The following RXRA variants were observed in gnomAD, a reference collection of about 807,000 sequenced individuals.
RXRA encodes retinoid X receptor alpha.
Under a neutral mutation model 44.5 loss-of-function variants are expected in RXRA, and 5 were observed. The observed-to-expected ratio is 0.11, with a 90% confidence interval of 0.06 to 0.24. The LOEUF is 0.24. RXRA is among the 10% of genes least tolerant of loss of function. RXRA has a pLI of 1.00. For synonymous variants in RXRA, 291 were observed against 271.4 expected (o/e 1.07, Z -0.71); for missense variants, 412 against 646.5 (o/e 0.64, Z 3.93).
intron 4 of RXRA, among the ~76,000 whole-genome samples, chr9:134,410,775 T>C (rs943450167): frequency 6.6e-6 from 1 of 152,184 alleles, no homozygotes; most frequent in East Asian, 1.9e-4. Context: ...CACAGAGAGC[T>C]TGGTTTAGCC....
chr9:134,355,328 G>A (rs776474057), intron 1 of RXRA, among the ~76,000 whole-genome samples: 1 of 152,200 alleles, frequency 6.6e-6, no homozygotes, highest in Non-Finnish European at 1.5e-5. Context: ...TAACTGAACA[G>A]CAAACAGTAA....
intron 6 of RXRA, chr9:134,427,079 CCA>C (rs1364552121): frequency 1.0e-6 from 1 of 980,608 alleles, no homozygotes; most frequent in Non-Finnish European, 1.2e-6. Flanking sequence ...CCTCCCTGGG[CCA>C]CAGATTACCC....
At chr9:134,358,852 G>A (rs562086503) in intron 1 of RXRA, among the ~76,000 whole-genome samples, 81 of 152,344 alleles carry the variant, frequency 5.3e-4, no homozygotes, top group African/African-American at 1.8e-3. Context: ...GGTGGTGAGG[G>A]CTGTGGGCAG....
intron 1 of RXRA, among the ~76,000 whole-genome samples, chr9:134,369,472 T>G: frequency 9.2e-6 from 1 of 109,146 alleles, no homozygotes; most frequent in African/African-American, 3.6e-5. Context: ...GTGCGGGGGT[T>G]TTGTGTGTGG....
chr9:134,368,842 ATG>A (rs796827027), intron 1 of RXRA, among the ~76,000 whole-genome samples: 9 of 134,540 alleles, frequency 6.7e-5, no homozygotes, highest in East Asian at 2.5e-4. Flanking sequence ...GTGACTGCAT[ATG>A]TGTGTGTGAA....
intron 5 of RXRA, among the ~76,000 whole-genome samples, chr9:134,420,449 CCT>C (rs1169099227): frequency 1.3e-5 from 2 of 152,192 alleles, no homozygotes; most frequent in Non-Finnish European, 2.9e-5. Context: ...GGATCCCACC[CCT>C]GTGTATACCC....
At chr9:134,385,257 C>T (rs995306112) in intron 1 of RXRA, among the ~76,000 whole-genome samples, 1 of 152,226 alleles carries the variant, frequency 6.6e-6, no homozygotes, top group African/African-American at 2.4e-5. Flanking sequence ...CACTACCGGC[C>T]CGGGGCTTGT....
At chr9:134,338,685 G>A (rs1419137134) in intron 1 of RXRA, among the ~76,000 whole-genome samples, 1 of 152,220 alleles carries the variant, frequency 6.6e-6, no homozygotes. Flanking sequence ...CTGATAAGCT[G>A]TGAACTCATT....
intron 1 of RXRA, among the ~76,000 whole-genome samples, chr9:134,373,395 C>T (rs943254065): frequency 3.3e-5 from 5 of 152,198 alleles, no homozygotes; most frequent in South Asian, 2.1e-4. Context: ...CCGGGCCCTG[C>T]GCTCAGCCCT....
rs1253984954 is a variant in RXRA, at chr9:134,342,970, AAACCC to A, written c.28+16314_28+16318del. Among the ~76,000 whole-genome samples, 7 of 152,148 alleles carry A rather than the reference AAACCC, an allele frequency of 4.6e-5. 1 individual carries two copies. The South Asian group carries it at 1.2e-3, about 27-fold the overall frequency. ...GGTAATCCTTTGATTAGAGGCCAGG[AAACCC>A]AATCCCGCAGCCTAGGCAGTGGGGG... On this transcript the variant is annotated intron_variant, in intron 1 of 9. Transcript: ENST00000481739. The surrounding 1 kb of genome is among the most constrained non-coding windows in gnomAD (Gnocchi z 4.4).
intron 1 of RXRA, among the ~76,000 whole-genome samples, chr9:134,400,742 G>A (rs1248556632): frequency 1.3e-5 from 2 of 152,198 alleles, no homozygotes; most frequent in South Asian, 2.1e-4. Context: ...TTTCAAAGGC[G>A]GGAGTGTGGG....
rs111621736 is a variant in RXRA at position 134,360,441 on chromosome 9, G to A, written c.28+33782G>A. 8.5e-3 allele frequency among the ~76,000 whole-genome samples: 1,287 copies of A among 152,292 alleles called. 21 individuals are homozygous for A. Among genetic ancestry groups the A allele is most frequent in the African/African-American group, 0.025 (1,035 of 41,572 alleles). On this transcript the variant is annotated intron_variant, in intron 1 of 9. Coordinates refer to ENST00000481739, the MANE Select transcript of RXRA (RefSeq NM_002957.6). Reference sequence around the variant, plus strand: ...CTCTGGCTCTGTTGTGGCTGCAGGCGAGGCCCATCCTTCCCCTGGTCCCGC... The same window carrying A: ...CTCTGGCTCTGTTGTGGCTGCAGGCAAGGCCCATCCTTCCCCTGGTCCCGC...
chr9:134,337,107 T>C (rs1294813322), intron 1 of RXRA, among the ~76,000 whole-genome samples: 2 of 152,180 alleles, frequency 1.3e-5, no homozygotes, highest in Admixed American at 1.3e-4. Context: ...CACCGGCTGC[T>C]GGACAGAGCC....
chr9:134,417,899 C>T lies in RXRA; in HGVS notation c.780+572C>T, dbSNP rs1831266728. On this transcript the variant is annotated intron_variant, in intron 5 of 9. Coordinates refer to ENST00000481739, the MANE Select transcript of RXRA (RefSeq NM_002957.6). This position sits in a 1 kb window ranked among gnomAD's most constrained non-coding sequence, Gnocchi z 6.1. Reference sequence around the variant, plus strand: ...TCCTGCCCCCTCCCACCCCAACAGCCTCAAGGGGAGGAGGATTGGGTGGGC... The same window carrying T: ...TCCTGCCCCCTCCCACCCCAACAGCTTCAAGGGGAGGAGGATTGGGTGGGC... 6.6e-6 allele frequency among the ~76,000 whole-genome samples: 1 copy of T among 152,108 alleles called. No homozygotes were observed. The highest frequency in any genetic ancestry group is 2.4e-5 in the African/African-American group (1 of 41,426).
chr9:134,335,250 G>A (rs1160758974), intron 1 of RXRA, among the ~76,000 whole-genome samples: 1 of 152,214 alleles, frequency 6.6e-6, no homozygotes, highest in Non-Finnish European at 1.5e-5. Flanking sequence ...GTCACAGGCT[G>A]TATGGCCCTG....
intron 1 of RXRA, among the ~76,000 whole-genome samples, chr9:134,400,913 C>T (rs1459557748): frequency 6.6e-6 from 1 of 152,214 alleles, no homozygotes; most frequent in African/African-American, 2.4e-5. Context: ...GAGCATGGAG[C>T]TAGGGGCCTG....
chr9:134,393,169 G>A (rs920143284), intron 1 of RXRA, among the ~76,000 whole-genome samples: 3 of 152,160 alleles, frequency 2.0e-5, no homozygotes, highest in African/African-American at 4.8e-5. Flanking sequence ...GGGTGCAGCC[G>A]GCTCTGCCGT....
chr9:134,350,560 C>T (rs540692928), intron 1 of RXRA, among the ~76,000 whole-genome samples: 5 of 152,322 alleles, frequency 3.3e-5, no homozygotes, highest in African/African-American at 9.6e-5. Flanking sequence ...CAGACGATGC[C>T]GCATGAGGAC....
chr9:134,424,787 C>A, intron 6 of RXRA: 3 of 985,470 alleles, frequency 3.0e-6, no homozygotes, highest in Non-Finnish European at 3.6e-6. Flanking sequence ...GACTCTGTCC[C>A]CCTCCAGGGG....
Sources: gnomAD v4.1 joint callset for allele counts (sites outside exome capture counted in the v4.1 genomes callset) on GRCh38, gnomAD v4.1.1 for gene constraint, Gnocchi (gnomAD v3.1) non-coding constraint, MANE v1.5 for transcripts, NCBI Gene and HGNC (gene_info 2026-07-23, HGNC 2026-07-21) for gene names.